The following SEM1 variants were observed in gnomAD, a reference collection of about 807,000 sequenced individuals.
The protein encoded by SEM1 is SEM1 26S proteasome subunit.
Under a neutral mutation model 12.7 loss-of-function variants are expected in SEM1, and 3 were observed. The observed-to-expected ratio is 0.24, with a 90% CI of 0.11 to 0.61. The LOEUF (loss-of-function observed/expected upper bound fraction) is 0.61. SEM1 is among the 20% of genes least tolerant of loss of function. The pLI is 0.88. For synonymous variants in SEM1, 30 were observed against 27.8 expected, an observed-to-expected ratio of 1.08 and a Z score of -0.25; for missense variants, 59 against 81.3, an observed-to-expected ratio of 0.73 and a Z score of 1.06.
chr7:96,571,074 G>A (rs893055790), intron 2 of SEM1, among the ~76,000 whole-genome samples: 2 of 150,952 alleles, frequency 1.3e-5, no homozygotes, highest in African/African-American at 4.9e-5. Context: ...TTGTAAATTT[G>A]TTTAAGTTCC....
downstream of SEM1, among the ~76,000 whole-genome samples, chr7:96,686,012 G>A (rs182262072): frequency 1.8e-4 from 27 of 152,036 alleles, no homozygotes; most frequent in African/African-American, 6.3e-4. Flanking sequence ...CCAAGAGTCC[G>A]GAAACCTAGA....
chr7:96,544,141 G>A (rs1276438836), intron 2 of SEM1, among the ~76,000 whole-genome samples: 3 of 151,964 alleles, frequency 2.0e-5, no homozygotes, highest in East Asian at 3.9e-4. Context: ...GTTCTTAAAG[G>A]CCTCTAGGAA....
intron 2 of SEM1, among the ~76,000 whole-genome samples, chr7:96,581,267 G>T (rs1806395261): frequency 6.6e-6 from 1 of 152,156 alleles, no homozygotes; most frequent in Non-Finnish European, 1.5e-5. Flanking sequence ...GTTTGTCAAA[G>T]ATCAGATAGT....
intron 2 of SEM1, among the ~76,000 whole-genome samples, chr7:96,676,597 A>G (rs1333532335): frequency 1.3e-5 from 2 of 152,246 alleles, no homozygotes; most frequent in African/African-American, 2.4e-5. Flanking sequence ...TTAATTTCCT[A>G]CAAGCTACAT....
intron 2 of SEM1, chr7:96,650,340 T>A: frequency 1.9e-6 from 1 of 521,640 alleles, no homozygotes. Flanking sequence ...CTTTGTCTTG[T>A]GAGTTGATGA....
chr7:96,657,157 C>T (rs978331001), intron 2 of SEM1, among the ~76,000 whole-genome samples: 1 of 152,086 alleles, frequency 6.6e-6, no homozygotes, highest in Non-Finnish European at 1.5e-5. Context: ...GAATCTCCTA[C>T]CTCATCAATA....
At chr7:96,653,786 A>C (rs1031016020) in intron 2 of SEM1, 6 of 152,266 alleles carry the variant, frequency 3.9e-5, no homozygotes, top group African/African-American at 1.4e-4. Context: ...CGTTGGAACA[A>C]GGCAGGAATG....
intron 2 of SEM1, among the ~76,000 whole-genome samples, chr7:96,586,537 A>G (rs1364382195): frequency 6.6e-6 from 1 of 152,184 alleles, no homozygotes; most frequent in Non-Finnish European, 1.5e-5. Context: ...TGGTAAGATC[A>G]TACTTACATT....
intron 1 of SEM1, among the ~76,000 whole-genome samples, chr7:96,495,018 G>A (rs1309535179): frequency 8.3e-6 from 1 of 120,776 alleles, no homozygotes; most frequent in African/African-American, 3.2e-5. Context: ...AGATAAGTGA[G>A]AGCTACAAAA....
chr7:96,585,304 T>G (rs889318921), intron 2 of SEM1, among the ~76,000 whole-genome samples: 6 of 151,834 alleles, frequency 4.0e-5, no homozygotes, highest in Admixed American at 2.0e-4. Flanking sequence ...CAGGGACCCA[T>G]TGAGGAGGCA....
At chr7:96,694,964 C>G in intron 1 of SEM1, 73 bp from the exon 2 acceptor site, 2 of 1,096,138 alleles carry the variant, frequency 1.8e-6, no homozygotes, top group South Asian at 2.7e-5. Context: ...CTTTGAAAAG[C>G]TTGCTACTGA....
downstream of SEM1, among the ~76,000 whole-genome samples, chr7:96,669,534 A>AG (rs773583257): frequency 2.0e-4 from 31 of 152,220 alleles, 1 homozygote; most frequent in African/African-American, 3.4e-4. Context: ...AAAAACAGGC[A>AG]GGGGGCTAGA....
intron 2 of SEM1, among the ~76,000 whole-genome samples, chr7:96,555,576 C>A (rs1397950745): frequency 7.3e-6 from 1 of 137,498 alleles, no homozygotes; most frequent in Admixed American, 7.5e-5. Flanking sequence ...AATTTCTGTT[C>A]TTTTACATTT....
intron 2 of SEM1, among the ~76,000 whole-genome samples, chr7:96,629,772 C>T (rs963540549): frequency 6.6e-5 from 10 of 152,152 alleles, no homozygotes; most frequent in African/African-American, 2.4e-4. Context: ...TTGTACCCAT[C>T]CTCCTTGGGA....
chr7:96,611,617 G>T (rs1038922511), intron 2 of SEM1, among the ~76,000 whole-genome samples: 42 of 152,170 alleles, frequency 2.8e-4, no homozygotes, highest in African/African-American at 9.4e-4. Context: ...TAGCCATAGA[G>T]GATGACAATG....
intron 2 of SEM1, among the ~76,000 whole-genome samples, chr7:96,506,918 A>T (rs1803771139): frequency 6.6e-6 from 1 of 152,128 alleles, no homozygotes; most frequent in Admixed American, 6.6e-5. Context: ...TGCAATTAAA[A>T]CTTAGAATAT....
At chr7:96,545,323 G>A (rs901729067) in intron 2 of SEM1, among the ~76,000 whole-genome samples, 1 of 152,002 alleles carries the variant, frequency 6.6e-6, no homozygotes, top group Non-Finnish European at 1.5e-5. Context: ...ATGGTTCATA[G>A]TTTTTAAGGG....
chr7:96,629,697 TA>T (rs1290057323), intron 2 of SEM1, among the ~76,000 whole-genome samples: 8 of 152,248 alleles, frequency 5.3e-5, no homozygotes, highest in East Asian at 1.9e-4. Flanking sequence ...CACTTGTAGA[TA>T]TTTGTCTGTG....
chr7:96,642,015 C>G (rs1808628729), intron 2 of SEM1, among the ~76,000 whole-genome samples: 1 of 151,932 alleles, frequency 6.6e-6, no homozygotes, highest in Non-Finnish European at 1.5e-5. Context: ...TTTGCACTGT[C>G]CAATATGGGT....
Sources: gnomAD v4.1 joint callset for allele counts (sites outside exome capture counted in the v4.1 genomes callset) on GRCh38, gnomAD v4.1.1 for gene constraint, MANE v1.5 for transcripts, NCBI Gene and HGNC (gene_info 2026-07-23, HGNC 2026-07-21) for gene names.